TEAD1: variants seen among roughly 807,000 people sequenced by gnomAD.
TEAD1 encodes transcriptional enhancer factor TEF-1.
A neutral mutation model predicts 54.9 loss-of-function variants in TEAD1; 9 were observed. That is an observed-to-expected ratio of 0.16 (90% CI 0.10 to 0.29). TEAD1 has a LOEUF of 0.29. Ranked by LOEUF, TEAD1 falls within the 10% of genes least tolerant of loss-of-function variation. The pLI, the probability that TEAD1 is intolerant of heterozygous loss-of-function variation, is 1.00. For synonymous variants in TEAD1, 200 were observed against 187.8 expected (o/e 1.07, Z -0.53); for missense variants, 387 against 535.9 (o/e 0.72, Z 2.74).
At chr11:12,710,954 A>G (rs541475627) in intron 2 of TEAD1, among the ~76,000 whole-genome samples, 28 of 152,196 alleles carry the variant, frequency 1.8e-4, no homozygotes, top group Non-Finnish European at 3.7e-4. Flanking sequence ...AAAGGCACAG[A>G]CATAGGATAT....
At chr11:12,686,011 G>C (rs1564906503) in intron 2 of TEAD1, among the ~76,000 whole-genome samples, 1 of 152,130 alleles carries the variant, frequency 6.6e-6, no homozygotes, top group Non-Finnish European at 1.5e-5. Flanking sequence ...CCTTCCTCCT[G>C]GTTACTGTTT....
chr11:12,905,191 CTT>C (rs1432282920), intron 10 of TEAD1, among the ~76,000 whole-genome samples: 1 of 152,116 alleles, frequency 6.6e-6, no homozygotes, highest in East Asian at 1.9e-4. Context: ...CTTAGAAAGT[CTT>C]TTTTGGTTTT....
At position 12,940,917 on chromosome 11, in the gene TEAD1, G is replaced by T. The variant is rs749907232; in HGVS notation, c.*3695G>T. 1 of 152,148 alleles carries T rather than the reference G, an allele frequency of 6.6e-6. No individual in the cohort carries two copies. Among genetic ancestry groups the T allele is most frequent in the Non-Finnish European group, 1.5e-5 (1 of 68,034 alleles). The allele number at this position is 152,148 out of a possible 1,614,324, so 9.4% of individuals were successfully genotyped here. On this transcript the variant is annotated 3_prime_UTR_variant, in exon 13 of 13. Transcript: ENST00000527636. ...TGGTACCAGAAGAGGGCTAAGATAC[G>T]TTTTCTGTCTTGAGCTGAAAGCACA...
chr11:12,912,233 G>C (rs1419310887), intron 10 of TEAD1, among the ~76,000 whole-genome samples: 1 of 152,146 alleles, frequency 6.6e-6, no homozygotes, highest in Non-Finnish European at 1.5e-5. Flanking sequence ...AGATGTGATT[G>C]AGAGTTCTGA....
At chr11:12,800,804 C>A (rs990064066) in intron 3 of TEAD1, among the ~76,000 whole-genome samples, 1 of 152,218 alleles carries the variant, frequency 6.6e-6, no homozygotes, top group Non-Finnish European at 1.5e-5. Context: ...AGCACCATGT[C>A]TTTTTCCTAG....
chr11:12,895,199 A>AC (rs547810779), intron 9 of TEAD1, among the ~76,000 whole-genome samples: 2,142 of 150,108 alleles, frequency 0.014, 39 homozygotes, highest in African/African-American at 0.039. Flanking sequence ...TCCTTTATTA[A>AC]CCCCCCCCGG....
At chr11:12,717,147 A>G (rs1028868877) in intron 2 of TEAD1, among the ~76,000 whole-genome samples, 1 of 152,266 alleles carries the variant, frequency 6.6e-6, no homozygotes, top group Non-Finnish European at 1.5e-5. Context: ...TATACTGATC[A>G]TAGACTATAA....
At chr11:12,772,050 G>A (rs1945322497) in intron 3 of TEAD1, among the ~76,000 whole-genome samples, 1 of 152,160 alleles carries the variant, frequency 6.6e-6, no homozygotes, top group Non-Finnish European at 1.5e-5. Context: ...CTGCAGTCTG[G>A]GTCCAAGAAG....
chr11:12,727,605 A>G (rs1413578428), intron 2 of TEAD1, among the ~76,000 whole-genome samples: 5 of 152,228 alleles, frequency 3.3e-5, no homozygotes, highest in African/African-American at 7.2e-5. Context: ...AAGGCCATAT[A>G]TACCATACTC....
chr11:12,774,864 C>T (rs984557383), intron 3 of TEAD1, among the ~76,000 whole-genome samples: 5 of 151,832 alleles, frequency 3.3e-5, no homozygotes, highest in African/African-American at 4.8e-5. Flanking sequence ...GCAATAGACA[C>T]GGGGCCTGAT....
intron 2 of TEAD1, among the ~76,000 whole-genome samples, chr11:12,683,002 G>C (rs554850134): frequency 4.6e-5 from 7 of 152,228 alleles, no homozygotes; most frequent in African/African-American, 1.7e-4. Flanking sequence ...TGAATGCAGC[G>C]GAGAGGAAAA....
At chr11:12,744,630 C>G (rs1430240769) in intron 2 of TEAD1, among the ~76,000 whole-genome samples, 1 of 152,096 alleles carries the variant, frequency 6.6e-6, no homozygotes, top group African/African-American at 2.4e-5. Context: ...TCTATATGTT[C>G]CACTTTTGGT....
intron 10 of TEAD1, among the ~76,000 whole-genome samples, chr11:12,906,182 G>C (rs1948515188): frequency 6.6e-6 from 1 of 152,010 alleles, no homozygotes; most frequent in African/African-American, 2.4e-5. Flanking sequence ...CTGTTTATCT[G>C]TTAAGATCTT....
chr11:12,758,438 T>C (rs969677591), intron 2 of TEAD1, among the ~76,000 whole-genome samples: 1 of 125,044 alleles, frequency 8.0e-6, no homozygotes, highest in Non-Finnish European at 1.6e-5. Context: ...TGAGGTGGAG[T>C]ATCACTCTGT....
At chr11:12,925,424 G>A (rs1948887343) in intron 11 of TEAD1, among the ~76,000 whole-genome samples, 1 of 152,184 alleles carries the variant, frequency 6.6e-6, no homozygotes, top group Non-Finnish European at 1.5e-5. Flanking sequence ...CAGTATCACA[G>A]GAACAGCCTG....
intron 10 of TEAD1, among the ~76,000 whole-genome samples, chr11:12,923,858 CT>C (rs1298014828): frequency 2.0e-5 from 3 of 152,176 alleles, no homozygotes; most frequent in African/African-American, 7.2e-5. Context: ...CACTGTTGCA[CT>C]GGGGTTTAAG....
chr11:12,735,042 G>A (rs1944501197), intron 2 of TEAD1, among the ~76,000 whole-genome samples: 1 of 152,182 alleles, frequency 6.6e-6, no homozygotes, highest in South Asian at 2.1e-4. Context: ...ATTTAGTAAA[G>A]GAAATTAAAA....
intron 3 of TEAD1, among the ~76,000 whole-genome samples, chr11:12,834,575 A>G (rs549846328): frequency 1.4e-4 from 21 of 152,302 alleles, no homozygotes; most frequent in African/African-American, 4.6e-4. Context: ...TACAGTAGAC[A>G]CTTGATAAAT....
chr11:12,899,104 G>T (rs549445133), intron 9 of TEAD1, among the ~76,000 whole-genome samples: 2 of 152,302 alleles, frequency 1.3e-5, no homozygotes, highest in Admixed American at 6.5e-5. Flanking sequence ...GGAGTGAGGA[G>T]CCTAAAGGGA....
Sources: allele counts gnomAD v4.1 joint callset (sites outside exome capture counted in the v4.1 genomes callset), GRCh38; gene constraint gnomAD v4.1.1; transcripts MANE v1.5; gene names NCBI Gene and HGNC (gene_info 2026-07-23, HGNC 2026-07-21).